The following SMARCA4 variants were observed in gnomAD, a reference collection of about 807,000 sequenced individuals.
SMARCA4 encodes SWI/SNF-related matrix-associated actin-dependent regulator of chromatin subfamily A member 4.
SMARCA4 carries 31 observed loss-of-function variants against 193.9 expected under a neutral mutation model. The ratio of observed to expected loss-of-function variants is 0.16; its 90% CI spans 0.12 to 0.22. SMARCA4 has a LOEUF of 0.22. Ranked by LOEUF, SMARCA4 falls within the 10% of genes least tolerant of loss-of-function variation. SMARCA4 has a pLI of 1.00. For synonymous variants in SMARCA4, 942 were observed against 933.1 expected (o/e 1.01, Z -0.17); for missense variants, 1,148 against 2,296.0 (o/e 0.50, Z 10.22).
In SMARCA4 at chr19:11,046,169, G is replaced by A. The variant is rs569706811; in HGVS notation, c.4424+4609G>A. ...ACCCGGGAGGCAGAGCTTGCAGTGA[G>A]CCGAGATTGTGCCACTGCACTCCAG... is the stretch of plus-strand genomic sequence containing the variant. On this transcript the variant is annotated intron_variant, in intron 30 of 34. Transcript: ENST00000344626. 2.0e-5 allele frequency among the ~76,000 whole-genome samples: 3 copies of A among 151,450 alleles called. No individual in the cohort carries two copies. The East Asian group carries it at 5.9e-4, about 30-fold the overall frequency.
chr19:10,972,079 C>G (rs1045043057), intron 1 of SMARCA4, among the ~76,000 whole-genome samples: 1 of 152,084 alleles, frequency 6.6e-6, no homozygotes, highest in Non-Finnish European at 1.5e-5. Flanking sequence ...TCCCAGCCCC[C>G]ACACCGAGTA....
intron 14 of SMARCA4, among the ~76,000 whole-genome samples, chr19:11,008,816 A>C (rs1045028674): frequency 6.6e-6 from 1 of 151,864 alleles, no homozygotes; most frequent in African/African-American, 2.4e-5. Flanking sequence ...TCTACTAAAA[A>C]TACAAAAATT....
chr19:11,013,885 C>T (rs557082513), intron 16 of SMARCA4, among the ~76,000 whole-genome samples: 34 of 152,238 alleles, frequency 2.2e-4, no homozygotes, highest in Non-Finnish European at 4.3e-4. Flanking sequence ...CCTGGCTCCA[C>T]CGGCCTTTTT....
intron 1 of SMARCA4, among the ~76,000 whole-genome samples, chr19:10,973,049 C>T (rs539725152): frequency 6.5e-4 from 97 of 149,898 alleles, no homozygotes; most frequent in African/African-American, 2.0e-3. Context: ...GCCGAGGTTG[C>T]GGTGAGCTGA....
At chr19:10,967,601 C>T (rs983910507) in intron 1 of SMARCA4, among the ~76,000 whole-genome samples, 3 of 150,346 alleles carry the variant, frequency 2.0e-5, no homozygotes, top group South Asian at 4.2e-4. Context: ...TGAGCCACTG[C>T]GCCCGACTGG....
chr19:11,032,861 CTG>C (rs940043488), intron 25 of SMARCA4, among the ~76,000 whole-genome samples: 1 of 152,182 alleles, frequency 6.6e-6, no homozygotes, highest in African/African-American at 2.4e-5. Context: ...TCTGTGTGCA[CTG>C]TGAGAGTGGC....
chr19:10,999,559 G>A (rs1050443925), intron 11 of SMARCA4, among the ~76,000 whole-genome samples: 13 of 152,244 alleles, frequency 8.5e-5, no homozygotes, highest in Admixed American at 5.9e-4. Flanking sequence ...TTGAGAGGCT[G>A]AGGTGGGAGG....
chr19:11,016,229 C>T (rs922370046), intron 16 of SMARCA4, among the ~76,000 whole-genome samples: 1 of 152,080 alleles, frequency 6.6e-6, no homozygotes, highest in Non-Finnish European at 1.5e-5. Flanking sequence ...CATTCATCCC[C>T]CATCCCCAGT....
chr19:10,966,895 GA>G (rs1009895436), intron 1 of SMARCA4, among the ~76,000 whole-genome samples: 97 of 121,916 alleles, frequency 8.0e-4, no homozygotes, highest in East Asian at 6.7e-3. Context: ...CTCTACAAAA[GA>G]AAAAAAAAAA....
In SMARCA4 at chr19:10,986,175, A is replaced by G. The variant is rs111447132; in HGVS notation, c.356-14A>G. On this transcript the variant is annotated splice_polypyrimidine_tract_variant and intron_variant, in intron 3 of 34. Coordinates refer to ENST00000344626, the MANE Select transcript of SMARCA4 (RefSeq NM_003072.5). The surrounding 1 kb of genome is among the most constrained non-coding windows in gnomAD (Gnocchi z 6.7). ...ATGCTGCCGAGTGACCAGTGGGCTG[A>G]CCTTTCTCTGCAGGTTACCCCTCGC... The G allele has an allele frequency of 0.039, 62,143 of 1,607,904 alleles. 1,486 individuals are homozygous for G. Among genetic ancestry groups the G allele is most frequent in the African/African-American group, 0.049 (3,659 of 74,870 alleles).
intron 1 of SMARCA4, among the ~76,000 whole-genome samples, chr19:10,970,388 C>CAAATGGCATTTGTAGTGGG (rs1179078096): frequency 1.3e-5 from 2 of 152,120 alleles, no homozygotes; most frequent in Non-Finnish European, 2.9e-5. Context: ...CTGGGATGTG[C>CAAATGGCATTTGTAGTGGG]AAATGGCATT....
intron 20 of SMARCA4, among the ~76,000 whole-genome samples, 191 bp downstream of exon 20, chr19:11,023,822 G>T (rs1329292189): frequency 2.0e-5 from 3 of 152,236 alleles, no homozygotes; most frequent in Non-Finnish European, 4.4e-5. Flanking sequence ...AGCACTCATA[G>T]GCTCACATAG....
In SMARCA4 at chr19:11,041,410, C is replaced by CCACCAG. The variant is rs2146817173; in HGVS notation, c.4279_4284dup (p.Ser1427_Thr1428dup). On this transcript the variant is annotated inframe_insertion, in exon 30 of 35. Transcript: ENST00000344626. This position sits in a 1 kb window ranked among gnomAD's most constrained non-coding sequence, Gnocchi z 5.6. The stretch of plus-strand genomic sequence containing the variant: ...AGCGACGCCGGCTCCTCCACCCCGA[C>CCACCAG]CACCAGCACCCGCAGCCGCGACAAG... 1.2e-6 allele frequency: 2 copies of CCACCAG among 1,612,358 alleles called. No individual in the cohort carries two copies. The highest frequency in any genetic ancestry group is 1.7e-6 in the Non-Finnish European group (2 of 1,179,918).
intron 30 of SMARCA4, among the ~76,000 whole-genome samples, chr19:11,052,217 A>G (rs1462619849): frequency 6.6e-6 from 1 of 152,226 alleles, no homozygotes; most frequent in African/African-American, 2.4e-5. Flanking sequence ...GTGACTGTGA[A>G]ACATCAACAA....
At chr19:11,044,059 G>A (rs1418432506) in intron 30 of SMARCA4, among the ~76,000 whole-genome samples, 1 of 152,132 alleles carries the variant, frequency 6.6e-6, no homozygotes, top group Non-Finnish European at 1.5e-5. Flanking sequence ...TATTTCTAAT[G>A]ATAATCTTGT....
intron 30 of SMARCA4, among the ~76,000 whole-genome samples, chr19:11,048,680 G>A (rs573612011): frequency 6.6e-6 from 1 of 152,328 alleles, no homozygotes; most frequent in East Asian, 1.9e-4. Context: ...CTGCTGTGTT[G>A]GGGCCAGACC....
intron 21 of SMARCA4, among the ~76,000 whole-genome samples, chr19:11,024,970 C>G (rs893954802): frequency 2.0e-5 from 3 of 151,778 alleles, no homozygotes; most frequent in African/African-American, 7.3e-5. Flanking sequence ...CATTCCCAGC[C>G]CAGAGCATGC....
intron 11 of SMARCA4, among the ~76,000 whole-genome samples, chr19:11,000,400 C>T (rs1419424255): frequency 6.6e-6 from 1 of 152,036 alleles, no homozygotes; most frequent in Non-Finnish European, 1.5e-5. Context: ...TTGGTGCGCA[C>T]GCCTGTAGTC....
intron 29 of SMARCA4, among the ~76,000 whole-genome samples, chr19:11,035,645 C>G (rs1368385345): frequency 6.6e-6 from 1 of 152,234 alleles, no homozygotes; most frequent in Non-Finnish European, 1.5e-5. Context: ...CTGGCAGGTG[C>G]TGCACGGGGC....
Sources: gnomAD v4.1 joint callset for allele counts (sites outside exome capture counted in the v4.1 genomes callset) on GRCh38, gnomAD v4.1.1 for gene constraint, Gnocchi (gnomAD v3.1) non-coding constraint, MANE v1.5 for transcripts, NCBI Gene and HGNC (gene_info 2026-07-23, HGNC 2026-07-21) for gene names.